The following FHAD1 variants were observed in gnomAD, a reference collection of about 807,000 sequenced individuals.
FHAD1 encodes forkhead-associated domain-containing protein 1.
FHAD1 carries 146 observed loss-of-function variants against 191.3 expected under a neutral mutation model. The observed-to-expected ratio is 0.76, with a 90% CI of 0.67 to 0.88. The LOEUF (loss-of-function observed/expected upper bound fraction) is 0.88. Ranked by LOEUF, FHAD1 falls within the 40% of genes least tolerant of loss-of-function variation. The probability of loss-of-function intolerance (pLI) is 0.00; values close to 1 mark genes in which losing one functional copy is unlikely to be tolerated. For missense variants in FHAD1, 1,635 were observed against 1,785.8 expected, an observed-to-expected ratio of 0.92 and a Z score of 1.52; for synonymous variants, 616 against 672.3, an observed-to-expected ratio of 0.92 and a Z score of 1.29.
At chr1:15,309,688 T>TA (rs1671656053) in intron 7 of FHAD1, among the ~76,000 whole-genome samples, 2 of 151,650 alleles carry the variant, frequency 1.3e-5, no homozygotes, top group African/African-American at 4.9e-5. Context: ...TTTTTTTTTT[T>TA]AGCTCATCAG....
intron 22 of FHAD1, among the ~76,000 whole-genome samples, chr1:15,361,866 C>G (rs888778169): frequency 1.3e-5 from 2 of 151,890 alleles, no homozygotes; most frequent in African/African-American, 2.4e-5. Context: ...TTAGCCGGGC[C>G]TGGTGGCGCG....
chr1:15,367,767 C>A, intron 25 of FHAD1, 145 bp downstream of exon 25: 1 of 700,358 alleles, frequency 1.4e-6, no homozygotes, highest in Non-Finnish European at 2.3e-6. Flanking sequence ...TTATTCTGTG[C>A]TTCTCAAACT....
At chr1:15,280,467 C>T (rs1660202129) in intron 3 of FHAD1, among the ~76,000 whole-genome samples, 1 of 152,082 alleles carries the variant, frequency 6.6e-6, no homozygotes, top group Admixed American at 6.6e-5. Flanking sequence ...CAGAAGGACT[C>T]CTGAAGTTTG....
At chr1:15,395,932 C>T (rs748660266) in intron 33 of FHAD1, among the ~76,000 whole-genome samples, 6 of 152,166 alleles carry the variant, frequency 3.9e-5, no homozygotes, top group South Asian at 2.1e-4. Flanking sequence ...ACTTTAGACA[C>T]ATTCAAGTCA....
At chr1:15,390,818 C>T (rs1000764427) in intron 32 of FHAD1, among the ~76,000 whole-genome samples, 2 of 152,172 alleles carry the variant, frequency 1.3e-5, no homozygotes, top group African/African-American at 4.8e-5. Flanking sequence ...CATTGGGATA[C>T]CGAGGTGTGA....
chr1:15,380,211 C>T (rs890379432), intron 28 of FHAD1, among the ~76,000 whole-genome samples: 7 of 152,186 alleles, frequency 4.6e-5, no homozygotes, highest in Non-Finnish European at 8.8e-5. Flanking sequence ...ATGGCACTCT[C>T]CTCTGGACCA....
intron 14 of FHAD1, among the ~76,000 whole-genome samples, chr1:15,337,003 C>T (rs542969400): frequency 1.3e-5 from 2 of 152,350 alleles, no homozygotes; most frequent in South Asian, 2.1e-4. Context: ...TCTGCACTTC[C>T]GGGCTTCCCC....
chr1:15,400,904 A>T (rs1046837131), downstream of FHAD1, among the ~76,000 whole-genome samples: 4 of 152,220 alleles, frequency 2.6e-5, no homozygotes, highest in African/African-American at 9.6e-5. Flanking sequence ...CCCATCAGAT[A>T]AAGCCAGAGT....
rs1032090305 is a variant in FHAD1, at chr1:15,311,506, A to T, written c.1040-1551A>T. 8.5e-5 allele frequency among the ~76,000 whole-genome samples: 13 copies of T among 152,280 alleles called. No homozygotes were observed. Among genetic ancestry groups the T allele is most frequent in the Middle Eastern group, 3.4e-3 (1 of 294 alleles). On this transcript the variant is annotated intron_variant, in intron 7 of 33. Coordinates refer to ENST00000688493, the MANE Select transcript of FHAD1 (RefSeq NM_001391957.1). This position sits in a 1 kb window ranked among gnomAD's most constrained non-coding sequence, Gnocchi z 4.1. Reference sequence around the variant, plus strand: ...AAGGTCACTCTGGTCCCGCCTCACAAAGCATGCAGGCAAGCCCCAGAGAGA... The same window carrying T: ...AAGGTCACTCTGGTCCCGCCTCACATAGCATGCAGGCAAGCCCCAGAGAGA...
At chr1:15,293,829 G>A (rs1289264448) in intron 4 of FHAD1, among the ~76,000 whole-genome samples, 1 of 152,202 alleles carries the variant, frequency 6.6e-6, no homozygotes, top group Non-Finnish European at 1.5e-5. Context: ...GGTAGACACA[G>A]ATGCTGTTTC....
intron 1 of FHAD1, among the ~76,000 whole-genome samples, chr1:15,240,010 CT>C (rs1364202532): frequency 1.2e-4 from 18 of 152,340 alleles, no homozygotes; most frequent in African/African-American, 4.3e-4. Flanking sequence ...GTGTTCACAC[CT>C]CTGTGGTATC....
At chr1:15,257,538 A>T (rs1384933149) in intron 2 of FHAD1, among the ~76,000 whole-genome samples, 1 of 152,176 alleles carries the variant, frequency 6.6e-6, no homozygotes, top group Non-Finnish European at 1.5e-5. Context: ...TTCCTGCCTC[A>T]GCTGTGCTCG....
At chr1:15,336,544 C>A (rs562952237) in intron 14 of FHAD1, among the ~76,000 whole-genome samples, 1 of 152,226 alleles carries the variant, frequency 6.6e-6, no homozygotes, top group South Asian at 2.1e-4. Flanking sequence ...TTGGCGTCAG[C>A]GGCCTTTCTT....
intron 18 of FHAD1, among the ~76,000 whole-genome samples, chr1:15,347,720 A>G (rs1689411698): frequency 6.6e-6 from 1 of 152,228 alleles, no homozygotes; most frequent in Non-Finnish European, 1.5e-5. Context: ...AAGTGCTGGG[A>G]TTACAGGCGT....
chr1:15,315,461 C>T (rs1420735333), intron 8 of FHAD1, among the ~76,000 whole-genome samples: 7 of 149,634 alleles, frequency 4.7e-5, no homozygotes, highest in Non-Finnish European at 5.9e-5. Flanking sequence ...CAAACAGCCC[C>T]GGGTTATCGG....
rs186181440 is a variant in FHAD1 at position 15,285,482 on chromosome 1, G to A, written c.301-3917G>A. Among the ~76,000 whole-genome samples, 42 of 152,242 alleles carry A rather than the reference G, an allele frequency of 2.8e-4. No homozygotes were observed. The East Asian group carries it at 7.1e-3, about 26-fold the overall frequency. On this transcript the variant is annotated intron_variant, in intron 3 of 33. Coordinates refer to ENST00000688493, the MANE Select transcript of FHAD1 (RefSeq NM_001391957.1). ...CAGGAGGCGGAGGTTGCAGTGAGCC[G>A]AGATCACGCCACTGCACTCCAGCCT... is the stretch of plus-strand genomic sequence containing the variant.
At chr1:15,255,837 G>T (rs1451604541) in intron 2 of FHAD1, among the ~76,000 whole-genome samples, 1 of 152,054 alleles carries the variant, frequency 6.6e-6, no homozygotes, top group African/African-American at 2.4e-5. Context: ...GAGTGGGAAG[G>T]GGGAGAGCTA....
intron 3 of FHAD1, among the ~76,000 whole-genome samples, chr1:15,278,920 C>T (rs1659497807): frequency 6.6e-6 from 1 of 152,024 alleles, no homozygotes; most frequent in Admixed American, 6.6e-5. Context: ...TAAATTTTAC[C>T]TGTTTCTTCA....
At chr1:15,357,448 C>T (rs1157895059) in intron 20 of FHAD1, among the ~76,000 whole-genome samples, 1 of 152,174 alleles carries the variant, frequency 6.6e-6, no homozygotes, top group East Asian at 1.9e-4. Context: ...CATGGTGAAA[C>T]TCCGTCTCTA....
Sources: gnomAD v4.1 joint callset for allele counts (sites outside exome capture counted in the v4.1 genomes callset) on GRCh38, gnomAD v4.1.1 for gene constraint, Gnocchi (gnomAD v3.1) non-coding constraint, MANE v1.5 for transcripts, NCBI Gene and HGNC (gene_info 2026-07-23, HGNC 2026-07-21) for gene names.